Variants in SHPK observed in about 807,000 individuals in gnomAD.
The protein encoded by SHPK is carbohydrate kinase-like protein.
In SHPK, 51 loss-of-function variants were observed where a neutral mutation model predicts 46.3. The observed-to-expected ratio is 1.10, with a 90% CI of 0.88 to 1.39. SHPK has a LOEUF of 1.39. Ranked by LOEUF, SHPK falls within the 40% of genes most tolerant of loss-of-function variation. SHPK has a pLI of 0.00. For synonymous variants in SHPK, 290 were observed against 273.9 expected (o/e 1.06, Z -0.58); for missense variants, 668 against 641.3 (o/e 1.04, Z -0.45).
chr17:3,626,011 C>CA (rs2075434023), intron 2 of SHPK, among the ~76,000 whole-genome samples: 1 of 152,106 alleles, frequency 6.6e-6, no homozygotes, highest in Non-Finnish European at 1.5e-5. Flanking sequence ...TGAGATCGCA[C>CA]CACTGCACTC....
intron 5 of SHPK, among the ~76,000 whole-genome samples, chr17:3,616,718 A>C (rs1374479692): frequency 1.3e-5 from 2 of 152,104 alleles, no homozygotes; most frequent in African/African-American, 4.8e-5. Flanking sequence ...TTTCCAAAGT[A>C]TTCTTTTTGT....
chr17:3,623,423 C>A lies in SHPK; in HGVS notation c.563G>T (p.Gly188Val). The change falls in exon 4 of 7, where the codon GGC becomes GTC. Residue 188 changes from glycine to valine, a missense_variant. By Grantham distance (109) the Gly-to-Val change is moderately radical. Transcript: ENST00000225519. ...IHDYVVAMLC[G>V]LPRPLMSDQN... ...GTCGGACATCAGAGGTCTTGGCAAG[C>A]CACACAGCATGGCAACCACATAGTC... The A allele has an allele frequency of 6.2e-7, 1 of 1,614,182 alleles. No homozygotes were observed. The highest frequency in any genetic ancestry group is 8.5e-7 in the Non-Finnish European group (1 of 1,179,980).
At chr17:3,622,173 T>C (rs998053244) in intron 4 of SHPK, among the ~76,000 whole-genome samples, 1 of 152,234 alleles carries the variant, frequency 6.6e-6, no homozygotes, top group African/African-American at 2.4e-5. Context: ...GGGAAAGTGC[T>C]ATAGGACACA....
chr17:3,632,592 G>T lies in SHPK; in HGVS notation c.169-2246C>A, dbSNP rs557621569. On this transcript the variant is annotated intron_variant, in intron 1 of 6. Coordinates refer to ENST00000225519, the MANE Select transcript of SHPK (RefSeq NM_013276.4). ...AGCAGTTAGAAACAGTTTTAGGGGC[G>T]GGTGTGATTGGGGAGTAGCTCTTGG... Among the ~76,000 whole-genome samples the T allele has an allele frequency of 1.5e-3, 232 of 152,218 alleles. 2 individuals carry two copies. Among genetic ancestry groups the T allele is most frequent in the Non-Finnish European group, 2.4e-3 (164 of 68,010 alleles).
chr17:3,629,173 TTATTC>T (rs1278390858), intron 2 of SHPK, among the ~76,000 whole-genome samples: 1 of 152,100 alleles, frequency 6.6e-6, no homozygotes, highest in Non-Finnish European at 1.5e-5. Flanking sequence ...CCTGAGCATA[TTATTC>T]TAACCTCTCT....
At position 3,632,971 on chromosome 17, in the gene SHPK, CTTTTTTTTTTTTT is replaced by C. The variant is rs34873037; in HGVS notation, c.169-2638_169-2626del. 3.7e-5 allele frequency among the ~76,000 whole-genome samples: 3 copies of C among 81,726 alleles called. No individual in the cohort carries two copies. In the East Asian group the frequency reaches 1.1e-3, roughly 30 times the overall value. The allele number at this position is 81,726 out of a possible 152,430, so 53.6% of individuals were successfully genotyped here. Reference sequence around the variant, plus strand: ...GAAAGAACACAGCCAGCAGATATTACTTTTTTTTTTTTTTTTTTTTTTTTGGAGACAGAGTCTT... The same window carrying C: ...GAAAGAACACAGCCAGCAGATATTACTTTTTTTTTTTGGAGACAGAGTCTT... On this transcript the variant is annotated intron_variant, in intron 1 of 6. Transcript: ENST00000225519.
chr17:3,610,535 G>C lies in SHPK; in HGVS notation c.*25C>G, dbSNP rs2075330443. ...TGTTAATCAGGTAAAATTCACAGCA[G>C]TCGTTTGGCGAAAGAGTTTGCTGTC... On this transcript the variant is annotated 3_prime_UTR_variant, in exon 7 of 7. Coordinates refer to ENST00000225519, the MANE Select transcript of SHPK (RefSeq NM_013276.4). 2 of 1,572,314 alleles carry C rather than the reference G, an allele frequency of 1.3e-6. No individual in the cohort carries two copies. Among genetic ancestry groups the C allele is most frequent in the Admixed American group, 3.5e-5 (2 of 57,890 alleles).
At position 3,609,821 on chromosome 17, in the gene SHPK, C is replaced by T. The variant is rs2075325186; in HGVS notation, c.*739G>A. The T allele has an allele frequency of 6.6e-6, 1 of 152,590 alleles. No homozygotes were observed. Among genetic ancestry groups the T allele is most frequent in the East Asian group, 1.9e-4 (1 of 5,202 alleles). 9.5% of individuals were successfully genotyped at this position (152,590 alleles called of 1,614,324 possible). A position where few individuals can be genotyped will look rare whatever the true frequency, so the allele number is the denominator to read the frequency against. ...TGCACAGCATCGGTCCCCCTTGCTG[C>T]TCATGCCATCCGCCTCTCCTTCTCG... is the stretch of plus-strand genomic sequence containing the variant. On this transcript the variant is annotated 3_prime_UTR_variant, in exon 7 of 7. Coordinates refer to ENST00000225519, the MANE Select transcript of SHPK (RefSeq NM_013276.4).
intron 6 of SHPK, among the ~76,000 whole-genome samples, 181 bp from the exon 7 acceptor site, chr17:3,611,153 C>T (rs560815707): frequency 1.3e-3 from 196 of 152,320 alleles, no homozygotes; most frequent in Non-Finnish European, 2.5e-3. Context: ...CCTGGATCCC[C>T]GCCCGCTGTC....
intron 6 of SHPK, among the ~76,000 whole-genome samples, chr17:3,613,027 G>C (rs2075349933): frequency 6.6e-6 from 1 of 152,132 alleles, no homozygotes. Context: ...TGGGATTACA[G>C]GTGTGAGCCA....
intron 6 of SHPK, among the ~76,000 whole-genome samples, chr17:3,612,052 C>T (rs2075343219): frequency 6.6e-6 from 1 of 151,800 alleles, no homozygotes; most frequent in African/African-American, 2.4e-5. Context: ...GATCTACCTG[C>T]CTCAGCCTTC....
chr17:3,613,724 AG>A (rs2075355395), intron 6 of SHPK, among the ~76,000 whole-genome samples: 1 of 151,984 alleles, frequency 6.6e-6, no homozygotes, highest in East Asian at 1.9e-4. Context: ...CAGGAAAAAA[AG>A]TTTTCTTTTT....
At chr17:3,612,884 T>C (rs2075348533) in intron 6 of SHPK, among the ~76,000 whole-genome samples, 1 of 152,034 alleles carries the variant, frequency 6.6e-6, no homozygotes, top group Non-Finnish European at 1.5e-5. Flanking sequence ...CCCGAGTAGC[T>C]GGGACTACAG....
chr17:3,630,415 G>A, intron 1 of SHPK, 69 bp from the exon 2 acceptor site: 1 of 1,459,870 alleles, frequency 6.8e-7, no homozygotes, highest in Non-Finnish European at 9.2e-7. Flanking sequence ...AGGCCTCCCG[G>A]GATGTCCTGG....
rs2075328371 is a variant in SHPK at position 3,610,293 on chromosome 17, GCT to G, written c.*265_*266del. The G allele has an allele frequency of 2.1e-5, 9 of 436,668 alleles. No homozygotes were observed. Among genetic ancestry groups the G allele is most frequent in the South Asian group, 6.1e-5 (2 of 32,986 alleles). The allele number at this position is 436,668 out of a possible 1,614,324, so 27.0% of individuals were successfully genotyped here. A position where few individuals can be genotyped will look rare whatever the true frequency, so the allele number is the denominator to read the frequency against. On this transcript the variant is annotated 3_prime_UTR_variant, in exon 7 of 7. Coordinates refer to ENST00000225519, the MANE Select transcript of SHPK (RefSeq NM_013276.4). ...GCAGGCTGGGCTACTGTGCTCTCATGCTCTCTCTCTCCCACATGGACATTTGT... is the reference window on the plus strand; with the variant it reads ...GCAGGCTGGGCTACTGTGCTCTCATGCTCTCTCTCCCACATGGACATTTGT...
chr17:3,611,672 G>A (rs1045763864), intron 6 of SHPK, among the ~76,000 whole-genome samples: 1 of 152,020 alleles, frequency 6.6e-6, no homozygotes, highest in Non-Finnish European at 1.5e-5. Flanking sequence ...GGCCACCCTC[G>A]TTATGTGCAC....
intron 2 of SHPK, among the ~76,000 whole-genome samples, chr17:3,629,921 ACT>A (rs963079207): frequency 2.0e-5 from 3 of 151,902 alleles, no homozygotes; most frequent in African/African-American, 7.3e-5. Flanking sequence ...TGGAAAATGC[ACT>A]CTGCTGAATC....
At chr17:3,634,265 TAAA>T (rs34948942) in intron 1 of SHPK, among the ~76,000 whole-genome samples, 1 of 136,350 alleles carries the variant, frequency 7.3e-6, no homozygotes. Context: ...AGTGATCAAT[TAAA>T]AAAAAAAAAA....
intron 5 of SHPK, among the ~76,000 whole-genome samples, chr17:3,616,469 T>C (rs898164484): frequency 5.3e-5 from 8 of 152,154 alleles, no homozygotes; most frequent in Non-Finnish European, 1.0e-4. Context: ...TTTGGAAGAC[T>C]GCAGCTCCAG....
Sources: allele counts gnomAD v4.1 joint callset (sites outside exome capture counted in the v4.1 genomes callset), GRCh38; gene constraint gnomAD v4.1.1; transcripts MANE v1.5; gene names NCBI Gene and HGNC (gene_info 2026-07-23, HGNC 2026-07-21).